LIPA: variants seen among roughly 807,000 people sequenced by gnomAD.
LIPA encodes the protein lipase A, lysosomal acid type.
LIPA carries 26 observed loss-of-function variants against 40.6 expected under a neutral mutation model. The observed-to-expected ratio is 0.64, with a 90% CI of 0.47 to 0.89. The LOEUF is 0.89. Among genes scored for constraint, LIPA ranks in the 40% least tolerant of loss-of-function variants. The pLI is 0.00. For synonymous variants in LIPA, 188 were observed against 168.4 expected (o/e 1.12, Z -0.90); for missense variants, 455 against 479.6 (o/e 0.95, Z 0.48).
At chr10:89,294,459 G>A (rs1319692324) in intron 1 of LIPA, among the ~76,000 whole-genome samples, 1 of 152,178 alleles carries the variant, frequency 6.6e-6, no homozygotes, top group African/African-American at 2.4e-5. Flanking sequence ...GGGTGAGCAA[G>A]AGAAGGTTGA....
chr10:89,383,558 T>C (rs1463474218), intron 2 of LIPA: 1 of 1,614,126 alleles, frequency 6.2e-7, no homozygotes, highest in Admixed American at 1.7e-5. Flanking sequence ...GAAGACTTAA[T>C]TCAGAAAGAA....
At position 89,216,036 on chromosome 10, in the gene LIPA, G is replaced by A. The variant is rs770873494; in HGVS notation, c.895-27C>T. The A allele has an allele frequency of 4.1e-6, 6 of 1,479,332 alleles. No individual in the cohort carries two copies. In the African/African-American group the frequency reaches 6.9e-5, roughly 17 times the overall value. The allele number at this position is 1,479,332 out of a possible 1,614,324, so 91.6% of individuals were successfully genotyped here. On this transcript the variant is annotated intron_variant, in intron 8 of 9. Transcript: ENST00000336233. The stretch of plus-strand genomic sequence containing the variant: ...TAAAAAGAAGATAATTTGGAAAAGA[G>A]TTATCTGACACCAAAGTTAGAGATA...
At chr10:89,383,222 T>A in intron 2 of LIPA, 1 of 1,068,670 alleles carries the variant, frequency 9.4e-7, no homozygotes. Context: ...GCAGGGAAAT[T>A]AGGATAGAGC....
chr10:89,310,552 G>A (rs1843510007), intron 1 of LIPA, among the ~76,000 whole-genome samples: 1 of 152,144 alleles, frequency 6.6e-6, no homozygotes. Context: ...TTTTCCCCAT[G>A]ATTAATAGTG....
intron 2 of LIPA, among the ~76,000 whole-genome samples, chr10:89,365,961 A>G (rs1242770221): frequency 2.6e-5 from 4 of 152,210 alleles, no homozygotes; most frequent in Non-Finnish European, 5.9e-5. Flanking sequence ...TATGAACTTT[A>G]AAGTAGTTTC....
chr10:89,338,522 A>T, intron 1 of LIPA: 2 of 775,546 alleles, frequency 2.6e-6, no homozygotes, highest in Non-Finnish European at 4.1e-6. Context: ...AAACAACCTC[A>T]CATACATACC....
intron 1 of LIPA, among the ~76,000 whole-genome samples, chr10:89,276,044 G>T (rs932012289): frequency 6.6e-6 from 1 of 152,214 alleles, no homozygotes. Context: ...TGTAGAGGAT[G>T]CTAAGCTTTA....
intron 2 of LIPA, among the ~76,000 whole-genome samples, chr10:89,365,091 C>T (rs1257098790): frequency 1.3e-5 from 2 of 152,128 alleles, no homozygotes; most frequent in African/African-American, 4.8e-5. Context: ...GATATGGAGC[C>T]CTTCATGTAG....
At chr10:89,313,961 A>G (rs1203852264) in intron 1 of LIPA, among the ~76,000 whole-genome samples, 1 of 152,244 alleles carries the variant, frequency 6.6e-6, no homozygotes, top group Non-Finnish European at 1.5e-5. Context: ...AACTGTGAAT[A>G]TAATGAAAGC....
chr10:89,377,455 T>G (rs1028120550), intron 2 of LIPA, among the ~76,000 whole-genome samples: 3 of 152,190 alleles, frequency 2.0e-5, no homozygotes, highest in African/African-American at 7.2e-5. Flanking sequence ...TAGGCTCCAC[T>G]ATAGCCAGGG....
chr10:89,336,130 GA>G (rs1843735104), intron 1 of LIPA, among the ~76,000 whole-genome samples: 1 of 137,906 alleles, frequency 7.3e-6, no homozygotes, highest in Admixed American at 7.3e-5. Context: ...GGAAGGAAGG[GA>G]GGAAAGAAGG....
chr10:89,352,185 C>T (rs1589619275), intron 2 of LIPA, among the ~76,000 whole-genome samples: 1 of 152,338 alleles, frequency 6.6e-6, no homozygotes, highest in East Asian at 1.9e-4. Context: ...CTCCCCCTCC[C>T]TCTTTGCAGT....
intron 2 of LIPA, among the ~76,000 whole-genome samples, chr10:89,409,273 C>T (rs917299638): frequency 4.6e-5 from 7 of 152,006 alleles, no homozygotes; most frequent in Admixed American, 1.3e-4. Flanking sequence ...AGGAACAGGC[C>T]GAAAAGGAAA....
intron 8 of LIPA, among the ~76,000 whole-genome samples, chr10:89,220,545 G>A (rs187310949): frequency 6.6e-6 from 1 of 152,248 alleles, no homozygotes; most frequent in East Asian, 1.9e-4. Context: ...AAGGTTTGGG[G>A]GCATTCCTTA....
At chr10:89,261,574 C>A (rs1843208132) in intron 1 of LIPA, among the ~76,000 whole-genome samples, 1 of 151,958 alleles carries the variant, frequency 6.6e-6, no homozygotes, top group Non-Finnish European at 1.5e-5. Context: ...AATATATAAT[C>A]CTGGCTTCTC....
chr10:89,231,267 A>G (rs935388107), intron 3 of LIPA, among the ~76,000 whole-genome samples: 1 of 152,332 alleles, frequency 6.6e-6, no homozygotes, highest in Non-Finnish European at 1.5e-5. Context: ...CATTTCTGCT[A>G]ATGTCCTAAT....
At chr10:89,397,011 T>G (rs1844353631) in intron 2 of LIPA, among the ~76,000 whole-genome samples, 1 of 152,198 alleles carries the variant, frequency 6.6e-6, no homozygotes, top group South Asian at 2.1e-4. Context: ...TATATAAGGA[T>G]TTGGTTCTTT....
chr10:89,261,672 T>C (rs751853710), intron 1 of LIPA, among the ~76,000 whole-genome samples: 2 of 152,184 alleles, frequency 1.3e-5, no homozygotes, highest in Non-Finnish European at 2.9e-5. Context: ...ATAGGTCAAG[T>C]CCAGCCCCCT....
chr10:89,358,928 C>T (rs1844003982), intron 2 of LIPA, among the ~76,000 whole-genome samples: 1 of 152,182 alleles, frequency 6.6e-6, no homozygotes, highest in African/African-American at 2.4e-5. Flanking sequence ...ATGCTCTCAA[C>T]ACAAAGAAAA....
Sources: allele counts gnomAD v4.1 joint callset (sites outside exome capture counted in the v4.1 genomes callset), GRCh38; gene constraint gnomAD v4.1.1; transcripts MANE v1.5; gene names NCBI Gene and HGNC (gene_info 2026-07-23, HGNC 2026-07-21).